The following CFAP77 variants were observed in gnomAD, a reference collection of about 807,000 sequenced individuals.
The protein encoded by CFAP77 is cilia and flagella associated protein 77.
In CFAP77, 25 loss-of-function variants were observed where a neutral mutation model predicts 31.1. That is an observed-to-expected ratio of 0.80 (90% CI 0.59 to 1.12). CFAP77 has a LOEUF of 1.12. Ranked by LOEUF, CFAP77 falls within the 50% of genes most tolerant of loss-of-function variation. CFAP77 has a pLI of 0.00. For synonymous variants in CFAP77, 151 were observed against 159.9 expected (o/e 0.94, Z 0.42); for missense variants, 377 against 397.3 (o/e 0.95, Z 0.44).
intron 4 of CFAP77, among the ~76,000 whole-genome samples, chr9:132,540,399 CTCTT>C (rs1462133089): frequency 2.0e-5 from 3 of 152,264 alleles, no homozygotes; most frequent in African/African-American, 7.2e-5. Flanking sequence ...GAGTGAGTCT[CTCTT>C]TGTTGGGGTC....
intron 1 of CFAP77, among the ~76,000 whole-genome samples, chr9:132,452,010 G>C: frequency 6.6e-6 from 1 of 151,936 alleles, no homozygotes; most frequent in Non-Finnish European, 1.5e-5. Flanking sequence ...TTCACTGTTA[G>C]CCAGGGTGGT....
At chr9:132,421,538 G>C (rs1292878543) in intron 1 of CFAP77, 1 of 152,242 alleles carries the variant, frequency 6.6e-6, no homozygotes, top group South Asian at 2.1e-4. Context: ...GAGAGAAAAA[G>C]CTTCCCAGGA....
intron 1 of CFAP77, among the ~76,000 whole-genome samples, chr9:132,434,012 G>A (rs1293185622): frequency 1.3e-5 from 2 of 151,396 alleles, no homozygotes; most frequent in East Asian, 3.9e-4. Flanking sequence ...GGTGGCATGT[G>A]CCTGTAGTCC....
intron 3 of CFAP77, among the ~76,000 whole-genome samples, chr9:132,521,773 T>TG (rs1234305457): frequency 2.5e-5 from 3 of 118,570 alleles, no homozygotes; most frequent in South Asian, 6.5e-4. Context: ...TTTTTTTTTT[T>TG]TTTTTTTTTT....
At chr9:132,505,498 T>C (rs1466747126) in intron 3 of CFAP77, among the ~76,000 whole-genome samples, 1 of 150,044 alleles carries the variant, frequency 6.7e-6, no homozygotes, top group Non-Finnish European at 1.5e-5. Flanking sequence ...TGTGTAGACA[T>C]GGGGGCAGAC....
intron 3 of CFAP77, among the ~76,000 whole-genome samples, chr9:132,502,875 G>C (rs892458680): frequency 6.6e-6 from 1 of 152,136 alleles, no homozygotes; most frequent in African/African-American, 2.4e-5. Context: ...TTGGGGACCC[G>C]CCACACTGCT....
chr9:132,537,632 C>T lies in CFAP77; in HGVS notation c.556C>T (p.His186Tyr), dbSNP rs996558506. Residue 186 changes from histidine (H) to tyrosine (Y), a missense_variant, in exon 4 of 6, where the codon CAC becomes TAC. Transcript: ENST00000393216. ...PSTPFFDLLQ[H>Y]RYLQLWVQEQ... ...CACACCCTTCTTTGATCTGCTGCAG[C>T]ACCGGTACCTGCAGCTGTGGGTACA... The T allele has an allele frequency of 1.9e-6, 3 of 1,613,292 alleles. No individual in the cohort carries two copies. In the South Asian group the frequency reaches 3.3e-5, roughly 18 times the overall value.
intron 5 of CFAP77, among the ~76,000 whole-genome samples, chr9:132,557,808 C>A (rs1402108029): frequency 1.3e-5 from 2 of 152,192 alleles, no homozygotes; most frequent in Non-Finnish European, 2.9e-5. Context: ...CTCCAACCTA[C>A]CTGCTGGCTA....
At chr9:132,561,749 T>G (rs1829814360) in intron 5 of CFAP77, among the ~76,000 whole-genome samples, 1 of 151,618 alleles carries the variant, frequency 6.6e-6, no homozygotes, top group Admixed American at 6.6e-5. Flanking sequence ...ACACGGCTCC[T>G]GCCCTGCCCT....
At chr9:132,544,470 G>A (rs1243332279) in intron 5 of CFAP77, among the ~76,000 whole-genome samples, 1 of 150,036 alleles carries the variant, frequency 6.7e-6, no homozygotes, top group Non-Finnish European at 1.5e-5. Flanking sequence ...GGCCCTGGCT[G>A]TGGTCTTTCC....
At chr9:132,556,083 T>G (rs543311008) in intron 5 of CFAP77, among the ~76,000 whole-genome samples, 4 of 152,144 alleles carry the variant, frequency 2.6e-5, no homozygotes, top group African/African-American at 9.6e-5. Context: ...AGCGCCCTCT[T>G]CATACTGAGA....
chr9:132,551,332 T>G (rs1852817061), intron 5 of CFAP77, among the ~76,000 whole-genome samples: 1 of 151,544 alleles, frequency 6.6e-6, no homozygotes, highest in South Asian at 2.1e-4. Context: ...GGAGTCTCAC[T>G]CTGTTGCCCA....
intron 1 of CFAP77, among the ~76,000 whole-genome samples, chr9:132,484,184 C>T (rs574711400): frequency 2.1e-4 from 32 of 152,116 alleles, no homozygotes; most frequent in African/African-American, 7.0e-4. Flanking sequence ...GTGATCTGCC[C>T]GCCTCAGCCT....
intron 5 of CFAP77, among the ~76,000 whole-genome samples, chr9:132,556,388 A>G (rs928497286): frequency 6.6e-6 from 1 of 152,096 alleles, no homozygotes; most frequent in Admixed American, 6.5e-5. Context: ...GCAGCCTCCC[A>G]TCATCTGGGT....
At chr9:132,435,692 T>C (rs1265452785) in intron 1 of CFAP77, among the ~76,000 whole-genome samples, 1 of 152,180 alleles carries the variant, frequency 6.6e-6, no homozygotes, top group Admixed American at 6.5e-5. Flanking sequence ...CAACAGCGTT[T>C]GGCACTGCCA....
At chr9:132,493,993 C>T (rs1851696309) in intron 1 of CFAP77, among the ~76,000 whole-genome samples, 1 of 152,000 alleles carries the variant, frequency 6.6e-6, no homozygotes, top group African/African-American at 2.4e-5. Context: ...CTCACTGCAG[C>T]CTCCACCTCC....
rs962255411 is a variant in CFAP77 at position 132,552,301 on chromosome 9, C to T, written c.732+9254C>T. 1.3e-5 allele frequency among the ~76,000 whole-genome samples: 2 copies of T among 152,230 alleles called. No individual in the cohort carries two copies. The highest frequency in any genetic ancestry group is 4.8e-5 in the African/African-American group (2 of 41,466). ...TGGCTAGGGGACGGTCATGGAGCAA[C>T]AAAGCCTCTGGGAGGGACGAGGCCC... On this transcript the variant is annotated intron_variant, in intron 5 of 5. Transcript: ENST00000393216. The surrounding 1 kb of genome is among the most constrained non-coding windows in gnomAD (Gnocchi z 5.5).
chr9:132,430,769 C>T (rs182852850), intron 1 of CFAP77, among the ~76,000 whole-genome samples: 3 of 152,094 alleles, frequency 2.0e-5, no homozygotes, highest in Admixed American at 6.5e-5. Flanking sequence ...ATCATATCAG[C>T]CCTCCCAGAG....
Position 132,486,054 on chromosome 9 carries a change from ATGTGTGTGTGTG to A in CFAP77, c.196-12639_196-12628del, listed in dbSNP as rs199499678. Among the ~76,000 whole-genome samples the A allele has an allele frequency of 8.7e-4, 24 of 27,508 alleles. 1 individual carries two copies. The highest frequency in any genetic ancestry group is 2.6e-3 in the African/African-American group (7 of 2,696). The allele number at this position is 27,508 out of a possible 152,430, so 18.0% of individuals were successfully genotyped here. On this transcript the variant is annotated intron_variant, in intron 1 of 5. Transcript: ENST00000393216. ...TATATATATATATGTATGTATATGT[ATGTGTGTGTGTG>A]TATATATATATATATATATATATAT...
Sources: allele counts gnomAD v4.1 joint callset (sites outside exome capture counted in the v4.1 genomes callset), GRCh38; gene constraint gnomAD v4.1.1; non-coding constraint Gnocchi (gnomAD v3.1); transcripts MANE v1.5; gene names NCBI Gene and HGNC (gene_info 2026-07-23, HGNC 2026-07-21).